The following ARR3 variants were observed in gnomAD, a reference collection of about 807,000 sequenced individuals.
ARR3 encodes the protein arrestin-C.
ARR3 carries 14 observed loss-of-function variants against 35.4 expected under a neutral mutation model. That is an observed-to-expected ratio of 0.40 (90% confidence interval 0.26 to 0.62). The LOEUF (loss-of-function observed/expected upper bound fraction) is 0.62, where lower values mean the gene tolerates loss of function less well. ARR3 is among the 20% of genes least tolerant of loss of function. The probability of loss-of-function intolerance (pLI) is 0.46; values close to 1 mark genes in which losing one functional copy is unlikely to be tolerated. For missense variants in ARR3, 259 were observed against 303.8 expected (o/e 0.85, Z 1.10); for synonymous variants, 97 against 119.1 (o/e 0.81, Z 1.21).
chrX:70,269,049 T>G (rs142721303), intron 1 of ARR3, among the ~76,000 whole-genome samples: 196 of 112,451 alleles, frequency 1.7e-3, no homozygotes, highest in Middle Eastern at 0.014. Context: ...TCCTTCTCTC[T>G]CAGGGTTCTC....
chrX:70,281,212 T>A, intron 16 of ARR3, 104 bp downstream of exon 16: 1 of 1,016,456 alleles, frequency 9.8e-7, no homozygotes, highest in South Asian at 2.1e-5. Flanking sequence ...GTGCTTTCAA[T>A]ACATGTGCAG....
chrX:70,274,545 A>C (rs534824580), intron 5 of ARR3, among the ~76,000 whole-genome samples: 3 of 112,659 alleles, frequency 2.7e-5, no homozygotes, highest in Middle Eastern at 4.6e-3. Flanking sequence ...CACAGGTCTT[A>C]GTCTGTTTGT....
At chrX:70,277,959 C>A in intron 10 of ARR3, 107 bp from the exon 11 acceptor site, 1 of 874,571 alleles carries the variant, frequency 1.1e-6, no homozygotes, top group Non-Finnish European at 1.7e-6. Flanking sequence ...TGTCTCACTG[C>A]ATCATGTATA....
rs772387190 is a variant in ARR3 at position 70,281,805 on chromosome X, C to G, written c.*39C>G. On this transcript the variant is annotated 3_prime_UTR_variant, in exon 17 of 17. Transcript: ENST00000307959. ...GTGCCCGTCTGTGTGGGAGCCCCCA[C>G]TGTAACACTCTAATAAATCAGTTTG... The G allele has an allele frequency of 1.1e-5, 11 of 1,019,196 alleles. No individual in the cohort carries two copies. The South Asian group carries it at 2.0e-4, about 18-fold the overall frequency. The allele number at this position is 1,019,196 out of a possible 1,213,427, so 84.0% of individuals were successfully genotyped here.
At chrX:70,269,811 T>C (rs2147637262) in intron 3 of ARR3, 32 bp from the exon 4 acceptor site, 1 of 1,199,121 alleles carries the variant, frequency 8.3e-7, no homozygotes, top group South Asian at 1.8e-5. Context: ...AAAATGATTG[T>C]GAGAATAACA....
intron 1 of ARR3, 68 bp from the exon 2 acceptor site, chrX:70,269,288 G>A: frequency 4.5e-6 from 5 of 1,099,645 alleles, no homozygotes; most frequent in Non-Finnish European, 6.1e-6. Flanking sequence ...TATATGGATG[G>A]TATGCTGGAG....
At chrX:70,279,184 G>A (rs771858988) in intron 12 of ARR3, among the ~76,000 whole-genome samples, 50 of 112,058 alleles carry the variant, frequency 4.5e-4, no homozygotes, top group Non-Finnish European at 7.1e-4. Flanking sequence ...AGGAAAAGGA[G>A]GACAAAAAAG....
At chrX:70,269,781 G>A (rs1317916988) in intron 3 of ARR3, 62 bp from the exon 4 acceptor site, 19 of 1,189,402 alleles carry the variant, frequency 1.6e-5, no homozygotes, top group Non-Finnish European at 2.2e-5. Context: ...TGGGTTGGGG[G>A]TTTCAGGGGA....
At position 70,269,757 on chromosome X, in the gene ARR3, A is replaced by G. The variant is rs1381713816; in HGVS notation, c.39+65A>G. ...AAGGGATAGGTGGGTACATCCTTCA[A>G]GGTCTCAGGGGTCTGGGTTGGGGGT... On this transcript the variant is annotated intron_variant, in intron 3 of 16. Coordinates refer to ENST00000307959, the MANE Select transcript of ARR3 (RefSeq NM_004312.3). 11 of 1,189,348 alleles carry G rather than the reference A, an allele frequency of 9.2e-6. No homozygotes were observed. In the African/African-American group the frequency reaches 1.4e-4, roughly 15 times the overall value.
intron 7 of ARR3, 80 bp from the exon 8 acceptor site, chrX:70,276,589 G>T (rs1322675313): frequency 8.5e-7 from 1 of 1,170,344 alleles, no homozygotes; most frequent in Admixed American, 2.2e-5. Flanking sequence ...AAGGAAAGAG[G>T]TCAGGCATTT....
At chrX:70,270,886 AT>A (rs1211431090) in intron 5 of ARR3, among the ~76,000 whole-genome samples, 274 of 104,084 alleles carry the variant, frequency 2.6e-3, no homozygotes, top group Middle Eastern at 0.015. Context: ...GATTATGCTG[AT>A]TTTTTTTTTT....
chrX:70,275,096 C>T (rs1295290417), intron 5 of ARR3, among the ~76,000 whole-genome samples: 1 of 112,435 alleles, frequency 8.9e-6, no homozygotes, highest in African/African-American at 3.2e-5. Flanking sequence ...ATGTATCTCT[C>T]CTGAACAAAA....
At position 70,279,338 on chromosome X, in the gene ARR3, C is replaced by T. The variant is rs185191575; in HGVS notation, c.905+697C>T. ...AGTGTAATCCCTCCATCTCTCCATA[C>T]GTCTTTTCAATCAAGTAGCTATAGA... On this transcript the variant is annotated intron_variant, in intron 12 of 16. Coordinates refer to ENST00000307959, the MANE Select transcript of ARR3 (RefSeq NM_004312.3). Among the ~76,000 whole-genome samples, 23 of 112,571 alleles carry T rather than the reference C, an allele frequency of 2.0e-4. No individual in the cohort carries two copies. In the East Asian group the frequency reaches 5.0e-3, roughly 25 times the overall value.
At chrX:70,280,377 C>CT (rs1485159118) in intron 13 of ARR3, 99 bp downstream of exon 13, 14 of 991,254 alleles carry the variant, frequency 1.4e-5, no homozygotes, top group Non-Finnish European at 1.8e-5. Flanking sequence ...TCAAACCATT[C>CT]CCCACCCTTT....
chrX:70,280,852 G>A, intron 15 of ARR3, 34 bp downstream of exon 15: 1 of 1,206,424 alleles, frequency 8.3e-7, no homozygotes, highest in Non-Finnish European at 1.1e-6. Context: ...AGGGACGGCT[G>A]TCCTGAGGGC....
chrX:70,277,322 TG>T (rs1178103739), intron 8 of ARR3, 71 bp from the exon 9 acceptor site: 2 of 1,155,667 alleles, frequency 1.7e-6, no homozygotes, highest in Non-Finnish European at 2.3e-6. Flanking sequence ...AATTGGACTA[TG>T]GGGGTGGCAT....
chrX:70,273,517 C>A (rs952097760), intron 5 of ARR3, among the ~76,000 whole-genome samples: 1 of 111,948 alleles, frequency 8.9e-6, no homozygotes, highest in East Asian at 2.8e-4. Flanking sequence ...CCACTGTGCC[C>A]GGCCTCCAAA....
chrX:70,273,171 A>G (rs140970698), intron 5 of ARR3, among the ~76,000 whole-genome samples: 8,676 of 105,220 alleles, frequency 0.082, 332 homozygotes, highest in African/African-American at 0.12. Flanking sequence ...CATCACCATC[A>G]TCATCCACAT....
rs1302641965 is a variant in ARR3, at chrX:70,278,104, A to C, written c.733A>C (p.Lys245Gln). The C allele has an allele frequency of 8.3e-7, 1 of 1,210,611 alleles. No individual in the cohort carries two copies. The highest frequency in any genetic ancestry group is 2.2e-5 in the Admixed American group (1 of 45,987). Residue 245 changes from lysine to glutamine, a missense_variant, in exon 11 of 17, where the codon AAG becomes CAG. Physicochemically the swap from Lys to Gln is moderately conservative, Grantham distance 53. Coordinates refer to ENST00000307959, the MANE Select transcript of ARR3 (RefSeq NM_004312.3). ...ITDVVLYSLD[K>Q]YTKTVFIQEF... is the part of the protein sequence containing the mutation. The stretch of plus-strand genomic sequence containing the variant: ...AGATGTTGTCCTGTATTCACTAGAC[A>C]AGTACACCAAGACTGTGTTCATTCA...
Sources: allele counts gnomAD v4.1 joint callset (sites outside exome capture counted in the v4.1 genomes callset), GRCh38; gene constraint gnomAD v4.1.1; transcripts MANE v1.5; gene names NCBI Gene and HGNC (gene_info 2026-07-23, HGNC 2026-07-21).